Variants in PCDH12 observed in about 807,000 individuals in gnomAD.
PCDH12 encodes the protein protocadherin-12.
In PCDH12, 45 loss-of-function variants were observed where a neutral mutation model predicts 70.9. That is an observed-to-expected ratio of 0.63 (90% CI 0.50 to 0.81). The LOEUF (loss-of-function observed/expected upper bound fraction) is 0.81, where lower values mean the gene tolerates loss of function less well. Ranked by LOEUF, PCDH12 falls within the 40% of genes least tolerant of loss-of-function variation. The pLI is 0.00. For missense variants in PCDH12, 1,370 were observed against 1,491.7 expected (o/e 0.92, Z 1.34); for synonymous variants, 567 against 626.0 (o/e 0.91, Z 1.41).
Position 141,958,076 on chromosome 5 carries a change from G to A in PCDH12, c.-225C>T. The A allele has an allele frequency of 1.8e-6, 1 of 567,778 alleles. No individual in the cohort carries two copies. Among genetic ancestry groups the A allele is most frequent in the Non-Finnish European group, 3.1e-6 (1 of 325,514 alleles). 35.2% of individuals were successfully genotyped at this position (567,778 alleles called of 1,614,324 possible). On this transcript the variant is annotated 5_prime_UTR_variant, in exon 1 of 4. Transcript: ENST00000231484. ...GATGTCCAAACGCCGATCAAGAATT[G>A]CCAGGGGAGACCCCCTACTGGGGAA...
intron 3 of PCDH12, among the ~76,000 whole-genome samples, chr5:141,948,546 A>G (rs1753001157): frequency 6.6e-6 from 1 of 152,202 alleles, no homozygotes; most frequent in South Asian, 2.1e-4. Context: ...TGTCAAAGCT[A>G]ATTATTTCTC....
chr5:141,944,535 G>T lies in PCDH12; in HGVS notation c.*846C>A, dbSNP rs918176879. The T allele has an allele frequency of 6.6e-6, 1 of 152,166 alleles. No individual in the cohort carries two copies. The highest frequency in any genetic ancestry group is 1.5e-5 in the Non-Finnish European group (1 of 68,058). 9.4% of individuals were successfully genotyped at this position (152,166 alleles called of 1,614,324 possible). ...GTTGAAGGCATGGGTTTTGGTGTTG[G>T]CCCAGCCTGGGTCCAAATCCTGGCT... On this transcript the variant is annotated 3_prime_UTR_variant, in exon 4 of 4. Coordinates refer to ENST00000231484, the MANE Select transcript of PCDH12 (RefSeq NM_016580.4).
rs1039944487 is a variant in PCDH12 at position 141,945,810 on chromosome 5, G to T, written c.3131-5C>A. The T allele has an allele frequency of 1.9e-6, 3 of 1,607,332 alleles. No individual in the cohort carries two copies. The highest frequency in any genetic ancestry group is 1.7e-5 in the Admixed American group (1 of 59,770). ...TCAGCCGGTCCAGGGCCAGACCTGTGGGGGAAGGAGGGGACACAGTGAGGG... is the reference window on the plus strand; with the variant it reads ...TCAGCCGGTCCAGGGCCAGACCTGTTGGGGAAGGAGGGGACACAGTGAGGG... On this transcript the variant is annotated splice_region_variant and splice_polypyrimidine_tract_variant and intron_variant, in intron 3 of 3. Coordinates refer to ENST00000231484, the MANE Select transcript of PCDH12 (RefSeq NM_016580.4).
rs1561536713 is a variant in PCDH12, at chr5:141,956,772, T to G, written c.1080A>C (p.Pro360=). The change falls in exon 1 of 4, where the codon CCA becomes CCC. Residue 360 remains proline (P), a synonymous_variant. Coordinates refer to ENST00000231484, the MANE Select transcript of PCDH12 (RefSeq NM_016580.4). ...TGGGAAGAGCTTCTGACACCAGTGA[T>G]GGCTGGGAGGCCCATGTGACGTGGA... ...PSIHVTWASQ[P]SLVSEALPKD... 1 of 1,614,274 alleles carries G rather than the reference T, an allele frequency of 6.2e-7. No homozygotes were observed. The highest frequency in any genetic ancestry group is 1.1e-5 in the South Asian group (1 of 91,088).
chr5:141,951,298 G>T (rs1379290753), intron 2 of PCDH12, among the ~76,000 whole-genome samples, 195 bp downstream of exon 2: 3 of 152,150 alleles, frequency 2.0e-5, no homozygotes, highest in Non-Finnish European at 2.9e-5. Context: ...AGGACTTCTA[G>T]GTCCTGTAAA....
Position 141,956,766 on chromosome 5 carries a change from C to T in PCDH12, c.1086G>A (p.Leu362=), listed in dbSNP as rs530216591. ...TGTCCTTGGGAAGAGCTTCTGACAC[C>T]AGTGATGGCTGGGAGGCCCATGTGA... ...IHVTWASQPS[L]VSEALPKDSF... Residue 362 remains leucine, a synonymous_variant, in exon 1 of 4, where the codon CTG becomes CTA. Coordinates refer to ENST00000231484, the MANE Select transcript of PCDH12 (RefSeq NM_016580.4). 1 of 1,614,214 alleles carries T rather than the reference C, an allele frequency of 6.2e-7. No individual in the cohort carries two copies. Among genetic ancestry groups the T allele is most frequent in the Admixed American group, 1.7e-5 (1 of 60,028 alleles).
intron 3 of PCDH12, among the ~76,000 whole-genome samples, chr5:141,947,850 AC>A (rs1163326392): frequency 6.6e-6 from 1 of 151,564 alleles, no homozygotes; most frequent in Non-Finnish European, 1.5e-5. Context: ...CTCTTTCCTT[AC>A]CCCCAACTCC....
At position 141,957,945 on chromosome 5, in the gene PCDH12, C is replaced by A; in HGVS notation, c.-94G>T. On this transcript the variant is annotated 5_prime_UTR_variant, in exon 1 of 4. Transcript: ENST00000231484. This position sits in a 1 kb window ranked among gnomAD's most constrained non-coding sequence, Gnocchi z 4.3. ...GTTTCCTGGATGGCTTGATCAGCCC[C>A]GTGCTCCTTCCCCCAGAGCTGCCGG... is the stretch of plus-strand genomic sequence containing the variant. 1 of 1,420,968 alleles carries A rather than the reference C, an allele frequency of 7.0e-7. No individual in the cohort carries two copies. Among genetic ancestry groups the A allele is most frequent in the Admixed American group, 2.2e-5 (1 of 46,004 alleles). 88.0% of individuals were successfully genotyped at this position (1,420,968 alleles called of 1,614,324 possible).
chr5:141,946,938 ATTTATC>A (rs2126916465), intron 3 of PCDH12, among the ~76,000 whole-genome samples: 1 of 151,908 alleles, frequency 6.6e-6, no homozygotes, highest in Admixed American at 6.6e-5. Flanking sequence ...TCTACTTAAC[ATTTATC>A]TAATGTTTGC....
Position 141,944,905 on chromosome 5 carries a change from CAAAT to C in PCDH12, c.*472_*475del, listed in dbSNP as rs1040830537. 4.4e-5 allele frequency: 7 copies of C among 160,666 alleles called. No individual in the cohort carries two copies. The highest frequency in any genetic ancestry group is 1.2e-4 in the African/African-American group (5 of 41,526). 10.0% of individuals were successfully genotyped at this position (160,666 alleles called of 1,614,324 possible). A position where few individuals can be genotyped will look rare whatever the true frequency, so the allele number is the denominator to read the frequency against. On this transcript the variant is annotated 3_prime_UTR_variant, in exon 4 of 4. Transcript: ENST00000231484. ...GACGGTCTTGCCAGGGATTGGATGA[CAAAT>C]AAACCCCACTCTATTACTCTTCCCT...
Position 141,949,558 on chromosome 5 carries a change from G to C in PCDH12, c.3004C>G (p.Pro1002Ala), listed in dbSNP as rs1312477775. 6.2e-7 allele frequency: 1 copy of C among 1,613,980 alleles called. No individual in the cohort carries two copies. The highest frequency in any genetic ancestry group is 8.5e-7 in the Non-Finnish European group (1 of 1,179,956). Reference sequence around the variant, plus strand: ...GTCTGGCCTCCAGCCCTTGCACTTGGGCCATCTGTGTCTGGGATTGCACTC... The same window carrying C: ...GTCTGGCCTCCAGCCCTTGCACTTGCGCCATCTGTGTCTGGGATTGCACTC... ...SRSAIPDTDGPSARAGGQTDP... is the reference protein window; with the variant it reads ...SRSAIPDTDGASARAGGQTDP... Residue 1002 changes from proline (P) to alanine (A), a missense_variant, in exon 3 of 4, where the codon CCA (proline) becomes GCA (alanine). Coordinates refer to ENST00000231484, the MANE Select transcript of PCDH12 (RefSeq NM_016580.4).
chr5:141,946,903 T>TA lies in PCDH12; in HGVS notation c.3131-1099dup, dbSNP rs5871795. ...TTAAGAAACAGTGTCTTAAAAAAAT[T>TA]AAAAAAAAAAAAAAAAGCACAACAT... is the stretch of plus-strand genomic sequence containing the variant. On this transcript the variant is annotated intron_variant, in intron 3 of 3. Coordinates refer to ENST00000231484, the MANE Select transcript of PCDH12 (RefSeq NM_016580.4). Among the ~76,000 whole-genome samples, 1,285 of 145,418 alleles carry TA rather than the reference T, an allele frequency of 8.8e-3. 19 individuals carry two copies. Among genetic ancestry groups the TA allele is most frequent in the African/African-American group, 0.03 (1,185 of 40,016 alleles).
rs911301250 is a variant in PCDH12, at chr5:141,944,988, G to A, written c.*393C>T. 5.0e-6 allele frequency: 1 copy of A among 198,176 alleles called. No homozygotes were observed. The highest frequency in any genetic ancestry group is 5.4e-5 in the Admixed American group (1 of 18,530). 12.3% of individuals were successfully genotyped at this position (198,176 alleles called of 1,614,324 possible). Reference sequence around the variant, plus strand: ...AATGAATCACTGCTTTTCCTTTATTGATAGGTCAGAGAGCATTTCCTGGCA... The same window carrying A: ...AATGAATCACTGCTTTTCCTTTATTAATAGGTCAGAGAGCATTTCCTGGCA... On this transcript the variant is annotated 3_prime_UTR_variant, in exon 4 of 4. Transcript: ENST00000231484.
At chr5:141,951,880 C>T (rs1388034933) in intron 1 of PCDH12, among the ~76,000 whole-genome samples, 1 of 152,250 alleles carries the variant, frequency 6.6e-6, no homozygotes, top group African/African-American at 2.4e-5. Flanking sequence ...ACCTGGTGGA[C>T]TCTGAGAGAT....
rs1314534238 is a variant in PCDH12, at chr5:141,945,167, TG to T, written c.*213del. On this transcript the variant is annotated 3_prime_UTR_variant, in exon 4 of 4. Coordinates refer to ENST00000231484, the MANE Select transcript of PCDH12 (RefSeq NM_016580.4). The stretch of plus-strand genomic sequence containing the variant: ...ACTTATCTCAGCCACAAACCGTCCC[TG>T]TCCTCCAAAAGACTCAGAGCTGCTT... The T allele has an allele frequency of 6.3e-6, 4 of 637,016 alleles. No individual in the cohort carries two copies. The highest frequency in any genetic ancestry group is 1.1e-5 in the Non-Finnish European group (4 of 362,460). The allele number at this position is 637,016 out of a possible 1,614,324, so 39.5% of individuals were successfully genotyped here. A position where few individuals can be genotyped will look rare whatever the true frequency, so the allele number is the denominator to read the frequency against.
intron 1 of PCDH12, among the ~76,000 whole-genome samples, chr5:141,954,359 G>A (rs1753140204): frequency 6.6e-6 from 1 of 152,220 alleles, no homozygotes; most frequent in African/African-American, 2.4e-5. Context: ...CAGATGAGAT[G>A]AAGGCAGGCA....
At position 141,945,671 on chromosome 5, in the gene PCDH12, T is replaced by G; in HGVS notation, c.3265A>C (p.Thr1089Pro). The change falls in exon 4 of 4, where the codon ACG (threonine) becomes CCG (proline). Residue 1089 changes from threonine to proline, a missense_variant. Thr to Pro is a conservative substitution (Grantham distance 38, BLOSUM62 -1). Coordinates refer to ENST00000231484, the MANE Select transcript of PCDH12 (RefSeq NM_016580.4). ...TCTGGTGCCTCTGCCTTGCCGAACG[T>G]CTGGAAGGTCCTTGGCTCCTCCGTG... ...AATEEPRTFQ[T>P]FGKAEAPELS... 17 of 1,614,192 alleles carry G rather than the reference T, an allele frequency of 1.1e-5. No individual in the cohort carries two copies. The highest frequency in any genetic ancestry group is 1.4e-5 in the Non-Finnish European group (17 of 1,180,028).
In PCDH12 at chr5:141,955,671, G is replaced by C; in HGVS notation, c.2181C>G (p.Gly727=). 1 of 1,614,158 alleles carries C rather than the reference G, an allele frequency of 6.2e-7. No homozygotes were observed. Among genetic ancestry groups the C allele is most frequent in the Non-Finnish European group, 8.5e-7 (1 of 1,180,028 alleles). The change falls in exon 1 of 4, where the codon GGC becomes GGG. Residue 727 remains glycine (G), a synonymous_variant. Coordinates refer to ENST00000231484, the MANE Select transcript of PCDH12 (RefSeq NM_016580.4). This position sits in a 1 kb window ranked among gnomAD's most constrained non-coding sequence, Gnocchi z 5.5. ...ACAAAGCCAGGATCAACCCGAAGAT[G>C]CCCAACAGTACAGCCAGGCAGATCA... ...LTVICLAVLL[G]IFGLILALFM... is the part of the protein sequence containing the mutation.
chr5:141,955,953 C>T lies in PCDH12; in HGVS notation c.1899G>A (p.Glu633=). The change falls in exon 1 of 4, where the codon GAG becomes GAA. Residue 633 remains glutamate (E), a synonymous_variant. Coordinates refer to ENST00000231484, the MANE Select transcript of PCDH12 (RefSeq NM_016580.4). The surrounding 1 kb of genome is among the most constrained non-coding windows in gnomAD (Gnocchi z 5.5). ...TTCCACTGCGGATGCTGTAGAGGGG[C>T]TCTCCATTTGCCCCCGAGTCTGCAT... ...ARDADSGANG[E]PLYSIRSGNE... 6.2e-7 allele frequency: 1 copy of T among 1,614,190 alleles called. No individual in the cohort carries two copies. The highest frequency in any genetic ancestry group is 1.1e-5 in the South Asian group (1 of 91,086).
Sources: allele counts gnomAD v4.1 joint callset (sites outside exome capture counted in the v4.1 genomes callset), GRCh38; gene constraint gnomAD v4.1.1; non-coding constraint Gnocchi (gnomAD v3.1); transcripts MANE v1.5; gene names NCBI Gene and HGNC (gene_info 2026-07-23, HGNC 2026-07-21).